TMTC2: variants seen among roughly 807,000 people sequenced by gnomAD.
The protein encoded by TMTC2 is protein O-mannosyl-transferase TMTC2.
In TMTC2, 43 loss-of-function variants were observed where a neutral mutation model predicts 82.4. That is an observed-to-expected ratio of 0.52 (90% CI 0.41 to 0.67). The LOEUF is 0.67. Among genes scored for constraint, TMTC2 ranks in the 30% least tolerant of loss-of-function variants. TMTC2 has a pLI of 0.00. For missense variants in TMTC2, 919 were observed against 1,012.4 expected (o/e 0.91, Z 1.25); for synonymous variants, 408 against 381.9 (o/e 1.07, Z -0.80).
intron 1 of TMTC2, among the ~76,000 whole-genome samples, chr12:82,785,439 G>A (rs1169720486): frequency 7.2e-6 from 1 of 139,146 alleles, no homozygotes; most frequent in African/African-American, 2.7e-5. Flanking sequence ...GCACTGGAAT[G>A]TGAGAATGTA....
chr12:83,067,945 T>A (rs1387888102), intron 11 of TMTC2, among the ~76,000 whole-genome samples: 1 of 152,124 alleles, frequency 6.6e-6, no homozygotes, highest in East Asian at 1.9e-4. Flanking sequence ...ACTTCATATA[T>A]GCATTATGTC....
At chr12:82,973,639 G>C (rs548612105) in intron 7 of TMTC2, among the ~76,000 whole-genome samples, 1 of 152,080 alleles carries the variant, frequency 6.6e-6, no homozygotes, top group Admixed American at 6.6e-5. Context: ...GGTTACAGAC[G>C]CTAATTTGCT....
chr12:82,756,038 T>C (rs896304717), intron 1 of TMTC2, among the ~76,000 whole-genome samples: 4 of 152,172 alleles, frequency 2.6e-5, no homozygotes, highest in African/African-American at 4.8e-5. Flanking sequence ...GAACATTTCT[T>C]CTTTTTGTAT....
intron 4 of TMTC2, among the ~76,000 whole-genome samples, chr12:82,936,967 T>C (rs1876353747): frequency 6.6e-6 from 1 of 152,106 alleles, no homozygotes; most frequent in African/African-American, 2.4e-5. Flanking sequence ...TAGTAATGAG[T>C]ATTAGGATAA....
chr12:82,687,408 C>T lies in TMTC2; in HGVS notation c.-179C>T. The T allele has an allele frequency of 1.7e-6, 1 of 602,330 alleles. No individual in the cohort carries two copies. Among genetic ancestry groups the T allele is most frequent in the Non-Finnish European group, 2.9e-6 (1 of 346,132 alleles). 37.3% of individuals were successfully genotyped at this position (602,330 alleles called of 1,614,324 possible). On this transcript the variant is annotated 5_prime_UTR_variant, in exon 1 of 12. Coordinates refer to ENST00000321196, the MANE Select transcript of TMTC2 (RefSeq NM_152588.3). ...AGGACGCAGGAGCTGCGGAGACGGG[C>T]GCGAGGAGGAGGAGAGGAGTCGTGG... is the stretch of plus-strand genomic sequence containing the variant.
chr12:82,950,661 G>A (rs927032654), intron 4 of TMTC2, among the ~76,000 whole-genome samples: 2 of 152,172 alleles, frequency 1.3e-5, no homozygotes, highest in Non-Finnish European at 2.9e-5. Context: ...TTATTTAGAT[G>A]TCATAGTCCA....
intron 1 of TMTC2, among the ~76,000 whole-genome samples, chr12:82,773,089 G>A (rs1469616761): frequency 6.6e-6 from 1 of 152,084 alleles, no homozygotes; most frequent in African/African-American, 2.4e-5. Flanking sequence ...GTTTTTTGAT[G>A]GAAAATGGAT....
chr12:82,885,462 T>C (rs1873047674), intron 2 of TMTC2, among the ~76,000 whole-genome samples: 1 of 151,922 alleles, frequency 6.6e-6, no homozygotes, highest in South Asian at 2.1e-4. Flanking sequence ...CTTGATTTCC[T>C]GGGCTCAAGC....
At chr12:83,089,847 C>CAAAAAAAAAAAAAAA (rs200273951) in intron 11 of TMTC2, among the ~76,000 whole-genome samples, 2 of 135,730 alleles carry the variant, frequency 1.5e-5, no homozygotes, top group African/African-American at 2.9e-5. Flanking sequence ...AAACAAAAAA[C>CAAAAAAAAAAAAAAA]AAAAAAAAAA....
intron 4 of TMTC2, among the ~76,000 whole-genome samples, chr12:82,932,580 T>G (rs1876098605): frequency 6.6e-6 from 1 of 152,186 alleles, no homozygotes; most frequent in Non-Finnish European, 1.5e-5. Context: ...TATTTTTTAT[T>G]ATTTTTATTT....
At chr12:82,714,371 T>C (rs1402176350) in intron 1 of TMTC2, among the ~76,000 whole-genome samples, 1 of 152,220 alleles carries the variant, frequency 6.6e-6, no homozygotes, top group East Asian at 1.9e-4. Context: ...TTATATTTAA[T>C]TTTAGGTGTT....
chr12:82,690,908 G>A (rs950790620), intron 1 of TMTC2, among the ~76,000 whole-genome samples: 7 of 152,126 alleles, frequency 4.6e-5, no homozygotes, highest in African/African-American at 1.7e-4. Flanking sequence ...TTACGCATTT[G>A]TTGAGGATGA....
intron 1 of TMTC2, among the ~76,000 whole-genome samples, chr12:82,853,060 T>G (rs907549287): frequency 1.3e-5 from 2 of 152,178 alleles, no homozygotes; most frequent in Non-Finnish European, 2.9e-5. Flanking sequence ...TTAACTATGT[T>G]TGTCTTTTTT....
chr12:83,016,929 C>A (rs747825532), intron 8 of TMTC2, among the ~76,000 whole-genome samples: 1 of 152,090 alleles, frequency 6.6e-6, no homozygotes. Flanking sequence ...CTTAGAATAG[C>A]GCCTGATGCA....
At chr12:83,096,211 A>G (rs563831788) in intron 11 of TMTC2, among the ~76,000 whole-genome samples, 14 of 152,232 alleles carry the variant, frequency 9.2e-5, no homozygotes, top group African/African-American at 2.2e-4. Flanking sequence ...ACCAAAATAT[A>G]TGTGGTATTA....
chr12:82,916,813 A>G lies in TMTC2; in HGVS notation c.1484-13618A>G, dbSNP rs574648261. On this transcript the variant is annotated intron_variant, in intron 3 of 11. Transcript: ENST00000321196. ...TTTAGTTTCAGATCTATCTGAAATAACTACAGATAGGGGAAAGAGAAATAA... is the reference window on the plus strand; with the variant it reads ...TTTAGTTTCAGATCTATCTGAAATAGCTACAGATAGGGGAAAGAGAAATAA... 2.6e-5 allele frequency among the ~76,000 whole-genome samples: 4 copies of G among 152,316 alleles called. No homozygotes were observed. In the East Asian group the frequency reaches 7.7e-4, roughly 29 times the overall value.
At chr12:82,837,900 G>A (rs1053925159) in intron 1 of TMTC2, among the ~76,000 whole-genome samples, 1 of 152,172 alleles carries the variant, frequency 6.6e-6, no homozygotes, top group Non-Finnish European at 1.5e-5. Flanking sequence ...AGATTATAGA[G>A]TAACAGAAGC....
At chr12:82,783,764 A>G (rs954272806) in intron 1 of TMTC2, among the ~76,000 whole-genome samples, 4 of 152,008 alleles carry the variant, frequency 2.6e-5, no homozygotes, top group Non-Finnish European at 5.9e-5. Context: ...CAAGGGTACA[A>G]GCTTCTGCAG....
At chr12:83,061,212 T>G (rs772198381) in intron 10 of TMTC2, among the ~76,000 whole-genome samples, 9 of 151,818 alleles carry the variant, frequency 5.9e-5, no homozygotes, top group Non-Finnish European at 1.2e-4. Context: ...TTAAGTCATG[T>G]GCTATAACCC....
Sources: gnomAD v4.1 joint callset for allele counts (sites outside exome capture counted in the v4.1 genomes callset) on GRCh38, gnomAD v4.1.1 for gene constraint, MANE v1.5 for transcripts, NCBI Gene and HGNC (gene_info 2026-07-23, HGNC 2026-07-21) for gene names.